Variants in ASIC2 observed in about 807,000 individuals in gnomAD.
ASIC2 encodes the protein acid-sensing ion channel 2.
A neutral mutation model predicts 57.3 loss-of-function variants in ASIC2; 25 were observed. The observed-to-expected ratio is 0.44, with a 90% CI of 0.32 to 0.61. ASIC2 has a LOEUF of 0.61. ASIC2 is among the 20% of genes least tolerant of loss of function. The pLI is 0.06. For synonymous variants in ASIC2, 319 were observed against 307.5 expected (o/e 1.04, Z -0.39); for missense variants, 641 against 738.1 (o/e 0.87, Z 1.52).
intron 1 of ASIC2, among the ~76,000 whole-genome samples, chr17:33,202,335 C>T (rs1011170671): frequency 3.3e-5 from 5 of 152,202 alleles, no homozygotes; most frequent in African/African-American, 9.7e-5. Flanking sequence ...AGAAAATGGG[C>T]TGTTTGGAGT....
chr17:33,795,062 T>C (rs1422627321), intron 1 of ASIC2, among the ~76,000 whole-genome samples: 2 of 152,256 alleles, frequency 1.3e-5, no homozygotes. Context: ...CACTGTATCA[T>C]GGTAATCAGA....
At chr17:34,062,653 T>A (rs2142061773) in intron 1 of ASIC2, among the ~76,000 whole-genome samples, 1 of 151,918 alleles carries the variant, frequency 6.6e-6, no homozygotes, top group African/African-American at 2.4e-5. Context: ...ATAGAGTAAA[T>A]CCAAATAATC....
intron 1 of ASIC2, among the ~76,000 whole-genome samples, chr17:33,452,731 A>G (rs1912297663): frequency 8.8e-6 from 1 of 113,428 alleles, no homozygotes; most frequent in Non-Finnish European, 1.8e-5. Context: ...TGTTTGGAAC[A>G]GAGTGGGGTG....
At chr17:34,054,587 G>C (rs1381422941) in intron 1 of ASIC2, among the ~76,000 whole-genome samples, 1 of 152,186 alleles carries the variant, frequency 6.6e-6, no homozygotes, top group African/African-American at 2.4e-5. Flanking sequence ...ACATTTGCCA[G>C]ATGGTCTTCA....
chr17:33,685,944 G>T (rs1908172369), intron 1 of ASIC2, among the ~76,000 whole-genome samples: 1 of 152,138 alleles, frequency 6.6e-6, no homozygotes, highest in African/African-American at 2.4e-5. Context: ...CAGTCACGGG[G>T]GACCGGGACA....
At chr17:33,081,389 CAG>C (rs2092112465) in intron 3 of ASIC2, among the ~76,000 whole-genome samples, 1 of 152,182 alleles carries the variant, frequency 6.6e-6, no homozygotes, top group South Asian at 2.1e-4. Flanking sequence ...TCATGGGAAA[CAG>C]TGTACCCTGT....
intron 1 of ASIC2, among the ~76,000 whole-genome samples, chr17:33,132,111 A>T (rs2092348497): frequency 6.6e-6 from 1 of 152,336 alleles, no homozygotes; most frequent in South Asian, 2.1e-4. Context: ...GACCTGGGCC[A>T]CAGCTTTCTG....
chr17:33,720,898 T>A (rs1909369689), intron 1 of ASIC2, among the ~76,000 whole-genome samples: 1 of 152,202 alleles, frequency 6.6e-6, no homozygotes, highest in African/African-American at 2.4e-5. Flanking sequence ...TCTGATCCAG[T>A]CAGCCTTTGG....
intron 3 of ASIC2, among the ~76,000 whole-genome samples, chr17:33,064,790 C>T (rs1234794944): frequency 6.6e-6 from 1 of 152,228 alleles, no homozygotes; most frequent in Non-Finnish European, 1.5e-5. Context: ...GGAGTTGTTC[C>T]TATTCGGCCA....
intron 1 of ASIC2, among the ~76,000 whole-genome samples, chr17:33,845,650 C>T (rs1913558873): frequency 6.6e-6 from 1 of 152,132 alleles, no homozygotes; most frequent in African/African-American, 2.4e-5. Flanking sequence ...ATTTTGAATA[C>T]CTGCCAGATA....
rs756059318 is a variant in ASIC2 at position 33,799,403 on chromosome 17, T to TTTCTTTCTTTCTTTCTTTCTTTCTTTC, written c.555+356574_555+356575insGAAAGAAAGAAAGAAAGAAAGAAAGAA. Among the ~76,000 whole-genome samples the TTTCTTTCTTTCTTTCTTTCTTTCTTTC allele has an allele frequency of 1.8e-3, 93 of 51,288 alleles. 5 individuals carry two copies. The highest frequency in any genetic ancestry group is 2.5e-3 in the Admixed American group (12 of 4,864). The allele number at this position is 51,288 out of a possible 152,430, so 33.6% of individuals were successfully genotyped here. A position where few individuals can be genotyped will look rare whatever the true frequency, so the allele number is the denominator to read the frequency against. On this transcript the variant is annotated intron_variant, in intron 1 of 9. Coordinates refer to the ASIC2 transcript ENST00000359872. ...CTTTCTTTCTTTCTTTCTTTCTTTC[T>TTTCTTTCTTTCTTTCTTTCTTTCTTTC]TTTCTTTCTTTCTTTCTTTCTTTCT... is the stretch of plus-strand genomic sequence containing the variant.
chr17:33,119,716 T>C (rs2092294112), intron 1 of ASIC2, among the ~76,000 whole-genome samples: 2 of 152,360 alleles, frequency 1.3e-5, no homozygotes, highest in South Asian at 4.1e-4. Context: ...GTGCTTTTTC[T>C]CACAATGAGT....
intron 1 of ASIC2, among the ~76,000 whole-genome samples, chr17:33,576,885 T>A (rs1916640602): frequency 6.6e-6 from 1 of 152,188 alleles, no homozygotes; most frequent in Non-Finnish European, 1.5e-5. Context: ...ACTTTTCTTC[T>A]CTATAAAATG....
At position 33,031,778 on chromosome 17, in the gene ASIC2, T is replaced by C. The variant is rs562842824; in HGVS notation, c.988-3386A>G. Among the ~76,000 whole-genome samples the C allele has an allele frequency of 2.0e-3, 299 of 152,216 alleles. 1 individual carries two copies. Among genetic ancestry groups the C allele is most frequent in the Non-Finnish European group, 2.5e-3 (169 of 68,022 alleles). ...TTTTTGCTTTGGGTATTTCTGAAAC[T>C]TATTAGGCATATACATATTTAGGAT... On this transcript the variant is annotated intron_variant, in intron 3 of 9. Coordinates refer to ENST00000225823, the MANE Select transcript of ASIC2 (RefSeq NM_183377.2).
chr17:33,609,094 T>G (rs191069152), intron 1 of ASIC2, among the ~76,000 whole-genome samples: 1 of 152,302 alleles, frequency 6.6e-6, no homozygotes, highest in East Asian at 1.9e-4. Flanking sequence ...ATGTACTTAC[T>G]TCTCCCTATC....
intron 1 of ASIC2, among the ~76,000 whole-genome samples, chr17:33,147,662 C>T (rs906716120): frequency 6.6e-6 from 1 of 152,112 alleles, no homozygotes; most frequent in Non-Finnish European, 1.5e-5. Flanking sequence ...GGAGGATCTG[C>T]TAATAATTTT....
At chr17:33,110,437 T>C (rs1469218592) in intron 2 of ASIC2, among the ~76,000 whole-genome samples, 1 of 152,166 alleles carries the variant, frequency 6.6e-6, no homozygotes, top group Non-Finnish European at 1.5e-5. Flanking sequence ...TTGAGAAAAG[T>C]ACACAGGATC....
At chr17:33,352,174 T>C (rs4795769) in intron 1 of ASIC2, among the ~76,000 whole-genome samples, 68,263 of 151,914 alleles carry the variant, frequency 0.45, 15,837 homozygotes, top group Middle Eastern at 0.56. Context: ...ATCTCCAACT[T>C]CTTCCATCTG....
At chr17:33,438,904 A>T (rs1309248270) in intron 1 of ASIC2, among the ~76,000 whole-genome samples, 1 of 148,178 alleles carries the variant, frequency 6.7e-6, no homozygotes. Flanking sequence ...GGCCAGTGGC[A>T]CAATCATGGC....
Sources: gnomAD v4.1 joint callset for allele counts (sites outside exome capture counted in the v4.1 genomes callset) on GRCh38, gnomAD v4.1.1 for gene constraint, MANE v1.5 for transcripts, NCBI Gene and HGNC (gene_info 2026-07-23, HGNC 2026-07-21) for gene names.